DTD1: variants seen among roughly 807,000 people sequenced by gnomAD.
DTD1 encodes D-aminoacyl-tRNA deacylase 1.
In DTD1, 13 loss-of-function variants were observed where a neutral mutation model predicts 25.6. That is an observed-to-expected ratio of 0.51 (90% CI 0.33 to 0.81). DTD1 has a LOEUF of 0.81. Ranked by LOEUF, DTD1 falls within the 30% of genes least tolerant of loss-of-function variation. The pLI is 0.02. For synonymous variants in DTD1, 110 were observed against 103.6 expected, an observed-to-expected ratio of 1.06 and a Z score of -0.37; for missense variants, 193 against 266.4, an observed-to-expected ratio of 0.72 and a Z score of 1.92.
intron 4 of DTD1, chr20:18,643,378 T>A: frequency 4.2e-6 from 1 of 237,088 alleles, no homozygotes. Flanking sequence ...CTGGCTTGAC[T>A]CTAAAGTCTC....
intron 4 of DTD1, among the ~76,000 whole-genome samples, chr20:18,654,232 A>T (rs1478117510): frequency 6.6e-6 from 1 of 152,116 alleles, no homozygotes; most frequent in Non-Finnish European, 1.5e-5. Context: ...TGCTGTTCTC[A>T]TGATAGTGAA....
rs117901866 is a variant in DTD1 at position 18,690,401 on chromosome 20, T to C, written c.478-53699T>C. On this transcript the variant is annotated intron_variant, in intron 4 of 5. Transcript: ENST00000377452. ...TTTGCTGCAATTGCATTTGGGGACC[T>C]AGCCAAATTCTCTAGCAAAGCTTAT... Among the ~76,000 whole-genome samples, 1,296 of 152,336 alleles carry C rather than the reference T, an allele frequency of 8.5e-3. 18 individuals carry two copies. The highest frequency in any genetic ancestry group is 0.01 in the Non-Finnish European group (708 of 68,024).
chr20:18,649,137 G>A (rs761007056), intron 4 of DTD1, among the ~76,000 whole-genome samples: 30 of 146,142 alleles, frequency 2.1e-4, no homozygotes, highest in Non-Finnish European at 2.2e-4. Flanking sequence ...CCTTCTTTTT[G>A]TCTCACACAT....
At position 18,668,126 on chromosome 20, in the gene DTD1, G is replaced by C. The variant is rs144849134; in HGVS notation, c.477+39893G>C. Among the ~76,000 whole-genome samples, 45 of 152,252 alleles carry C rather than the reference G, an allele frequency of 3.0e-4. No individual in the cohort carries two copies. The East Asian group carries it at 8.7e-3, about 29-fold the overall frequency. On this transcript the variant is annotated intron_variant, in intron 4 of 5. Coordinates refer to ENST00000377452, the MANE Select transcript of DTD1 (RefSeq NM_080820.6). ...AGTATTTGGTTCTTGCAGTACTGTT[G>C]AACAGAACAACATATGTTTGTCCAT...
In DTD1 at chr20:18,708,243, TAA is replaced by T. The variant is rs1568676728; in HGVS notation, c.478-35856_478-35855del. On this transcript the variant is annotated intron_variant, in intron 4 of 5. Coordinates refer to ENST00000377452, the MANE Select transcript of DTD1 (RefSeq NM_080820.6). The stretch of plus-strand genomic sequence containing the variant: ...AATATATATATATTTTATATATATA[TAA>T]TATATATTATATATATATTTTATAT... Among the ~76,000 whole-genome samples, 180 of 20,264 alleles carry T rather than the reference TAA, an allele frequency of 8.9e-3. 10 individuals are homozygous for T. The highest frequency in any genetic ancestry group is 0.013 in the Admixed American group (13 of 992). The allele number at this position is 20,264 out of a possible 152,430, so 13.3% of individuals were successfully genotyped here.
At chr20:18,648,661 T>C (rs991081098) in intron 4 of DTD1, among the ~76,000 whole-genome samples, 9 of 152,144 alleles carry the variant, frequency 5.9e-5, no homozygotes, top group African/African-American at 2.2e-4. Context: ...TATTTTCTAT[T>C]TTAAGTCATT....
At chr20:18,593,331 C>A (rs2060597761) in intron 1 of DTD1, among the ~76,000 whole-genome samples, 1 of 152,078 alleles carries the variant, frequency 6.6e-6, no homozygotes, top group Admixed American at 6.5e-5. Context: ...TGATATTCTG[C>A]AAAAGGCAGG....
At chr20:18,688,902 A>T (rs1050283737) in intron 4 of DTD1, among the ~76,000 whole-genome samples, 2 of 152,028 alleles carry the variant, frequency 1.3e-5, no homozygotes, top group African/African-American at 4.8e-5. Context: ...GTGGGGAGGT[A>T]TGTGTTAGCA....
At chr20:18,653,537 A>G (rs964596165) in intron 4 of DTD1, among the ~76,000 whole-genome samples, 2 of 152,268 alleles carry the variant, frequency 1.3e-5, no homozygotes, top group Non-Finnish European at 2.9e-5. Flanking sequence ...TGAAATTCAA[A>G]TAATTTTTAC....
At chr20:18,693,031 C>T (rs1266493112) in intron 4 of DTD1, among the ~76,000 whole-genome samples, 2 of 151,462 alleles carry the variant, frequency 1.3e-5, no homozygotes, top group South Asian at 2.1e-4. Flanking sequence ...GCTGGGATTA[C>T]AGGCGCGTGT....
At chr20:18,708,412 G>A (rs1191848891) in intron 4 of DTD1, among the ~76,000 whole-genome samples, 3 of 136,496 alleles carry the variant, frequency 2.2e-5, no homozygotes, top group Non-Finnish European at 4.6e-5. Flanking sequence ...CTGGAGTACA[G>A]TGGTATGATC....
intron 4 of DTD1, among the ~76,000 whole-genome samples, chr20:18,708,157 A>ATGTG (rs753494941): frequency 4.5e-5 from 1 of 22,434 alleles, no homozygotes; most frequent in African/African-American, 8.6e-5. Flanking sequence ...AATTATTAAC[A>ATGTG]TGTGTGTGTG....
intron 4 of DTD1, among the ~76,000 whole-genome samples, chr20:18,667,538 G>A (rs983166250): frequency 1.3e-5 from 2 of 151,314 alleles, no homozygotes; most frequent in Non-Finnish European, 3.0e-5. Context: ...TGGCACATGA[G>A]AGGGCGTGTG....
In DTD1 at chr20:18,637,750, T is replaced by C. The variant is rs1004737665; in HGVS notation, c.477+9517T>C. On this transcript the variant is annotated intron_variant, in intron 4 of 5. Transcript: ENST00000377452. ...TTACATTTAAACACACATGGGAAATTGTTAAGGGCTCATATTTTATGATGT... is the reference window on the plus strand; with the variant it reads ...TTACATTTAAACACACATGGGAAATCGTTAAGGGCTCATATTTTATGATGT... Among the ~76,000 whole-genome samples the C allele has an allele frequency of 3.3e-5, 5 of 152,300 alleles. No individual in the cohort carries two copies. The East Asian group carries it at 7.7e-4, about 23-fold the overall frequency.
chr20:18,662,801 G>A (rs1315975373), intron 4 of DTD1, among the ~76,000 whole-genome samples: 1 of 151,748 alleles, frequency 6.6e-6, no homozygotes, highest in African/African-American at 2.4e-5. Flanking sequence ...CAGCCATCTT[G>A]TCAGTTCTGG....
chr20:18,631,378 A>T, intron 4 of DTD1: 1 of 985,606 alleles, frequency 1.0e-6, no homozygotes, highest in Non-Finnish European at 1.2e-6. Context: ...GTGGGTCTAG[A>T]CTGACCTGGG....
chr20:18,631,757 A>G (rs1027881693), intron 4 of DTD1: 4 of 985,068 alleles, frequency 4.1e-6, no homozygotes, highest in Non-Finnish European at 4.8e-6. Context: ...GTTTTATTTG[A>G]TCATTATTCC....
chr20:18,631,829 A>G lies in DTD1; in HGVS notation c.477+3596A>G, dbSNP rs138147608. 9 of 984,978 alleles carry G rather than the reference A, an allele frequency of 9.1e-6. No individual in the cohort carries two copies. The East Asian group carries it at 1.0e-3, about 112-fold the overall frequency. 61.0% of individuals were successfully genotyped at this position (984,978 alleles called of 1,614,324 possible). ...GGAGAAAAATTTTAGTCTTTTTTTC[A>G]TTCTAAATATTTTTCTGGAAATGGT... On this transcript the variant is annotated intron_variant, in intron 4 of 5. Transcript: ENST00000377452.
intron 4 of DTD1, among the ~76,000 whole-genome samples, chr20:18,663,759 T>G (rs775055900): frequency 2.5e-4 from 38 of 152,202 alleles, no homozygotes; most frequent in Non-Finnish European, 4.1e-4. Context: ...TCATGAAACT[T>G]ATAATTGTAG....
Sources: gnomAD v4.1 joint callset for allele counts (sites outside exome capture counted in the v4.1 genomes callset) on GRCh38, gnomAD v4.1.1 for gene constraint, MANE v1.5 for transcripts, NCBI Gene and HGNC (gene_info 2026-07-23, HGNC 2026-07-21) for gene names.